The following CDH20 variants were observed in gnomAD, a reference collection of about 807,000 sequenced individuals.
CDH20 encodes the protein cadherin 20, also known as cadherin-20.
Under a neutral mutation model 74.2 loss-of-function variants are expected in CDH20, and 29 were observed. That is an observed-to-expected ratio of 0.39 (90% CI 0.29 to 0.53). The LOEUF (loss-of-function observed/expected upper bound fraction) is 0.53. Among genes scored for constraint, CDH20 ranks in the 20% least tolerant of loss-of-function variants. CDH20 has a pLI of 0.69. For synonymous variants in CDH20, 469 were observed against 405.4 expected (o/e 1.16, Z -1.88); for missense variants, 988 against 1,048.3 (o/e 0.94, Z 0.79).
At chr18:61,543,445 TG>T (rs1172009442) in intron 9 of CDH20, among the ~76,000 whole-genome samples, 2 of 152,202 alleles carry the variant, frequency 1.3e-5, no homozygotes, top group Non-Finnish European at 2.9e-5. Flanking sequence ...ATGCCTCTTC[TG>T]TAACCCCCTC....
At chr18:61,425,657 G>A (rs766400373) in intron 1 of CDH20, among the ~76,000 whole-genome samples, 49 of 152,134 alleles carry the variant, frequency 3.2e-4, no homozygotes, top group Non-Finnish European at 4.9e-4. Flanking sequence ...TAAGCTATGA[G>A]GATGAAAAGC....
At chr18:61,529,031 C>T (rs1310055424) in intron 7 of CDH20, among the ~76,000 whole-genome samples, 1 of 152,190 alleles carries the variant, frequency 6.6e-6, no homozygotes, top group Non-Finnish European at 1.5e-5. Flanking sequence ...TGCTTCCGCT[C>T]AAGAAGATGA....
chr18:61,451,578 G>A lies in CDH20; in HGVS notation c.-152-38824G>A, dbSNP rs967235655. Among the ~76,000 whole-genome samples, 11 of 152,176 alleles carry A rather than the reference G, an allele frequency of 7.2e-5. No individual in the cohort carries two copies. In the East Asian group the frequency reaches 2.1e-3, roughly 29 times the overall value. On this transcript the variant is annotated intron_variant, in intron 1 of 11. Coordinates refer to ENST00000262717, the MANE Select transcript of CDH20 (RefSeq NM_031891.4). The stretch of plus-strand genomic sequence containing the variant: ...AATCAGGGCCTGATTTAGTGCTGAA[G>A]CTGAAAGAGTTTTTAATTTAATTAA...
At chr18:61,541,965 C>A (rs1913057944) in intron 9 of CDH20, among the ~76,000 whole-genome samples, 1 of 152,190 alleles carries the variant, frequency 6.6e-6, no homozygotes, top group Non-Finnish European at 1.5e-5. Flanking sequence ...CCAACCCAGA[C>A]TTAGCGATTT....
At chr18:61,489,607 T>C (rs1263095423) in intron 1 of CDH20, among the ~76,000 whole-genome samples, 3 of 151,776 alleles carry the variant, frequency 2.0e-5, no homozygotes, top group Non-Finnish European at 4.4e-5. Context: ...GTAGAAGTCC[T>C]TTTCCCTAAA....
At chr18:61,551,808 T>C (rs1373473417) in intron 11 of CDH20, among the ~76,000 whole-genome samples, 1 of 152,128 alleles carries the variant, frequency 6.6e-6, no homozygotes, top group Non-Finnish European at 1.5e-5. Flanking sequence ...ACTTCTATCT[T>C]TGGAAAATGT....
At chr18:61,384,147 G>T (rs926760515) in intron 1 of CDH20, among the ~76,000 whole-genome samples, 1 of 152,192 alleles carries the variant, frequency 6.6e-6, no homozygotes, top group Non-Finnish European at 1.5e-5. Context: ...TGAATAGACT[G>T]TCTCAGGCTA....
chr18:61,428,777 T>A (rs1913157988), intron 1 of CDH20, among the ~76,000 whole-genome samples: 1 of 152,210 alleles, frequency 6.6e-6, no homozygotes, highest in South Asian at 2.1e-4. Context: ...AATGTGCATT[T>A]CACCTCTTTG....
At chr18:61,525,722 TTTATTAAA>T (rs1912373614) in intron 6 of CDH20, among the ~76,000 whole-genome samples, 1 of 152,098 alleles carries the variant, frequency 6.6e-6, no homozygotes, top group Non-Finnish European at 1.5e-5. Context: ...CAAAAAAAAC[TTTATTAAA>T]ATTTGAAAAT....
At position 61,490,774 on chromosome 18, in the gene CDH20, G is replaced by C. The variant is rs1356458997; in HGVS notation, c.221G>C (p.Gly74Ala). 1 of 1,614,100 alleles carries C rather than the reference G, an allele frequency of 6.2e-7. No homozygotes were observed. Among genetic ancestry groups the C allele is most frequent in the East Asian group, 2.2e-5 (1 of 44,870 alleles). ...NQFFVLEEYT[G>A]TDPLYVGKLH... ...TTTTTCGTTCTGGAAGAGTACACTG[G>C]GACCGACCCTTTGTATGTCGGCAAG... is the stretch of plus-strand genomic sequence containing the variant. Residue 74 changes from glycine (G) to alanine (A), a missense_variant, in exon 2 of 12, where the codon GGG (glycine) becomes GCG (alanine). This residue lies in a region of CDH20 where 613 missense variants were observed against 755.2 expected (regional missense o/e 0.81). Transcript: ENST00000262717.
chr18:61,423,373 G>A (rs1300979748), intron 1 of CDH20, among the ~76,000 whole-genome samples: 1 of 147,198 alleles, frequency 6.8e-6, no homozygotes, highest in Non-Finnish European at 1.6e-5. Context: ...GTGTGTCTGA[G>A]GACTCATGCC....
chr18:61,362,187 TAAC>T (rs1466035669), intron 1 of CDH20, among the ~76,000 whole-genome samples: 1 of 152,212 alleles, frequency 6.6e-6, no homozygotes, highest in East Asian at 1.9e-4. Context: ...TAAGAAAATC[TAAC>T]AACATAGGAA....
At chr18:61,453,851 T>C (rs1432045771) in intron 1 of CDH20, among the ~76,000 whole-genome samples, 1 of 152,300 alleles carries the variant, frequency 6.6e-6, no homozygotes, top group East Asian at 1.9e-4. Flanking sequence ...GGTATGGCAG[T>C]TGCATGTTTA....
intron 1 of CDH20, among the ~76,000 whole-genome samples, chr18:61,419,439 A>AAATTTGTGTAC (rs1424826466): frequency 6.6e-6 from 1 of 152,188 alleles, no homozygotes; most frequent in Non-Finnish European, 1.5e-5. Flanking sequence ...ATTTGTGTAC[A>AAATTTGTGTAC]AAAGTTTTCA....
chr18:61,472,246 G>A (rs978432701), intron 1 of CDH20, among the ~76,000 whole-genome samples: 7 of 151,830 alleles, frequency 4.6e-5, no homozygotes, highest in Admixed American at 4.6e-4. Flanking sequence ...TTCCTAAGTC[G>A]CTTTAGGCTG....
intron 1 of CDH20, among the ~76,000 whole-genome samples, chr18:61,342,848 T>C (rs1286382099): frequency 6.6e-6 from 1 of 152,232 alleles, no homozygotes; most frequent in Non-Finnish European, 1.5e-5. Flanking sequence ...AAAAAAGATA[T>C]ATATCAGACA....
intron 1 of CDH20, among the ~76,000 whole-genome samples, chr18:61,413,779 AG>A (rs1306603957): frequency 6.6e-6 from 1 of 152,148 alleles, no homozygotes; most frequent in African/African-American, 2.4e-5. Context: ...TCAATTTCCT[AG>A]GAAAAACTGG....
intron 1 of CDH20, among the ~76,000 whole-genome samples, chr18:61,422,341 C>A (rs1237701053): frequency 6.6e-6 from 1 of 152,162 alleles, no homozygotes; most frequent in African/African-American, 2.4e-5. Flanking sequence ...ATTTCTCTAT[C>A]TTTCCACATT....
rs1445949130 is a variant in CDH20 at position 61,549,965 on chromosome 18, C to T, written c.1649-13C>T. 54 of 1,604,958 alleles carry T rather than the reference C, an allele frequency of 3.4e-5. No individual in the cohort carries two copies. The highest frequency in any genetic ancestry group is 4.5e-5 in the Non-Finnish European group (53 of 1,172,830). ...CTTCCCTTTTCCAATCCTGGAACCC[C>T]TCCTTCTTTCAGATAACACAGCACG... On this transcript the variant is annotated splice_polypyrimidine_tract_variant and intron_variant, in intron 10 of 11. Transcript: ENST00000262717.
Sources: gnomAD v4.1 joint callset for allele counts (sites outside exome capture counted in the v4.1 genomes callset) on GRCh38, gnomAD v4.1.1 for gene constraint, gnomAD v4.1.1 regional missense constraint, MANE v1.5 for transcripts, NCBI Gene and HGNC (gene_info 2026-07-23, HGNC 2026-07-21) for gene names.